LMTK3: variants seen among roughly 807,000 people sequenced by gnomAD.
LMTK3 encodes the protein serine/threonine-protein kinase LMTK3.
Under a neutral mutation model 116.7 loss-of-function variants are expected in LMTK3, and 27 were observed. The ratio of observed to expected loss-of-function variants is 0.23; its 90% CI spans 0.17 to 0.32. The LOEUF is 0.32. Ranked by LOEUF, LMTK3 falls within the 10% of genes least tolerant of loss-of-function variation. LMTK3 has a pLI of 1.00. For missense variants in LMTK3, 1,764 were observed against 2,068.5 expected, an observed-to-expected ratio of 0.85 and a Z score of 2.86; for synonymous variants, 965 against 971.0, an observed-to-expected ratio of 0.99 and a Z score of 0.11.
chr19:48,486,092 C>A (rs1256087646), intron 14 of LMTK3, among the ~76,000 whole-genome samples: 1 of 109,072 alleles, frequency 9.2e-6, no homozygotes, highest in African/African-American at 3.9e-5. Flanking sequence ...CGGAGTCTCG[C>A]TCTGTCGCCC....
Position 48,500,955 on chromosome 19 carries a change from G to C in LMTK3, c.1151+41C>G. ...GGGGATGCTGGGACCATCCTGGGTG[G>C]GGTGCGGCAGGCCAGGAGCCCCGGG... On this transcript the variant is annotated intron_variant, in intron 10 of 14. Coordinates refer to ENST00000600059, the MANE Select transcript of LMTK3 (RefSeq NM_001388485.1). The surrounding 1 kb of genome is among the most constrained non-coding windows in gnomAD (Gnocchi z 4.0). 1 of 1,466,440 alleles carries C rather than the reference G, an allele frequency of 6.8e-7. No homozygotes were observed. Among genetic ancestry groups the C allele is most frequent in the East Asian group, 2.5e-5 (1 of 40,700 alleles). 90.8% of individuals were successfully genotyped at this position (1,466,440 alleles called of 1,614,324 possible).
chr19:48,507,364 C>T (rs941023427), intron 5 of LMTK3, among the ~76,000 whole-genome samples: 1 of 152,208 alleles, frequency 6.6e-6, no homozygotes, highest in Non-Finnish European at 1.5e-5. Flanking sequence ...GTCTGTGGCT[C>T]GCCCAGCAAA....
At chr19:48,495,855 C>T (rs1290959271) in intron 11 of LMTK3, among the ~76,000 whole-genome samples, 1 of 152,090 alleles carries the variant, frequency 6.6e-6, no homozygotes, top group Non-Finnish European at 1.5e-5. Context: ...TTATTTTTAC[C>T]CTTCATTTAT....
intron 12 of LMTK3, among the ~76,000 whole-genome samples, 199 bp downstream of exon 12, chr19:48,493,495 C>T (rs1206095891): frequency 2.1e-5 from 3 of 146,116 alleles, no homozygotes; most frequent in African/African-American, 8.0e-5. Context: ...TCAGGCCACG[C>T]CCCACTCTAA....
rs769851424 is a variant in LMTK3, at chr19:48,491,163, C to A, written c.4311G>T (p.Ser1437=). The A allele has an allele frequency of 1.5e-6, 2 of 1,364,680 alleles. No homozygotes were observed. Among genetic ancestry groups the A allele is most frequent in the East Asian group, 2.8e-5 (1 of 35,268 alleles). The allele number at this position is 1,364,680 out of a possible 1,614,324, so 84.5% of individuals were successfully genotyped here. The change falls in exon 14 of 15, where the codon TCG becomes TCT. Residue 1437 remains serine (S), a synonymous_variant. Coordinates refer to ENST00000600059, the MANE Select transcript of LMTK3 (RefSeq NM_001388485.1). This position sits in a 1 kb window ranked among gnomAD's most constrained non-coding sequence, Gnocchi z 5.1. ...PPLCFSRFSV[S]PALETPGPPA... ...GTGGCCCCGGGGTCTCCAGCGCAGG[C>A]GAGACGGAGAAGCGGGAGAAGCACA...
chr19:48,487,464 C>G (rs1972146097), intron 14 of LMTK3, among the ~76,000 whole-genome samples: 1 of 152,144 alleles, frequency 6.6e-6, no homozygotes, highest in Non-Finnish European at 1.5e-5. Context: ...TGTGAGCCAC[C>G]ATGCCTGGCC....
At chr19:48,493,361 G>A (rs1840345913) in intron 12 of LMTK3, among the ~76,000 whole-genome samples, 2 of 13,314 alleles carry the variant, frequency 1.5e-4, no homozygotes, top group Non-Finnish European at 2.7e-4. Context: ...CCTGGGCCCC[G>A]CCCCACTCTA....
chr19:48,506,514 G>C (rs1415378470), intron 5 of LMTK3, among the ~76,000 whole-genome samples: 1 of 152,180 alleles, frequency 6.6e-6, no homozygotes, highest in Non-Finnish European at 1.5e-5. Context: ...TCCTACTGGG[G>C]CCTGGCGGGA....
In LMTK3 at chr19:48,497,292, A is replaced by G; in HGVS notation, c.3676+101T>C. On this transcript the variant is annotated intron_variant, in intron 11 of 14. Coordinates refer to ENST00000600059, the MANE Select transcript of LMTK3 (RefSeq NM_001388485.1). This position sits in a 1 kb window ranked among gnomAD's most constrained non-coding sequence, Gnocchi z 5.7. ...GGTGCAGGCTTCAGGACCTGCATTC[A>G]TCACTGCCAGCCCGACCCGACATGT... 7.8e-7 allele frequency: 1 copy of G among 1,288,608 alleles called. No homozygotes were observed. The highest frequency in any genetic ancestry group is 2.9e-5 in the East Asian group (1 of 33,976). The allele number at this position is 1,288,608 out of a possible 1,614,324, so 79.8% of individuals were successfully genotyped here. A position where few individuals can be genotyped will look rare whatever the true frequency, so the allele number is the denominator to read the frequency against.
At position 48,498,772 on chromosome 19, in the gene LMTK3, G is replaced by A. The variant is rs1378224287; in HGVS notation, c.2297C>T (p.Pro766Leu). ...CGAAGGGGGGTCGGGGGACGCGGCC[G>A]GGTCCGCGGGGGCCCGAGGAGGTGG... ...PPPPPRAPAD[P>L]AASPDPPSAV... The change falls in exon 11 of 15, where the codon CCG becomes CTG. Residue 766 changes from proline to leucine, a missense_variant. Coordinates refer to ENST00000600059, the MANE Select transcript of LMTK3 (RefSeq NM_001388485.1). The A allele has an allele frequency of 2.8e-6, 4 of 1,431,850 alleles. No individual in the cohort carries two copies. Among genetic ancestry groups the A allele is most frequent in the East Asian group, 2.8e-5 (1 of 35,234 alleles). 88.7% of individuals were successfully genotyped at this position (1,431,850 alleles called of 1,614,324 possible).
intron 14 of LMTK3, among the ~76,000 whole-genome samples, chr19:48,486,898 C>T (rs1972133813): frequency 6.6e-6 from 1 of 151,986 alleles, no homozygotes; most frequent in South Asian, 2.1e-4. Flanking sequence ...TGGAGTCTCA[C>T]TCTGTTGCCC....
chr19:48,508,826 A>ATT, intron 5 of LMTK3, 25 bp downstream of exon 5: 2 of 1,548,306 alleles, frequency 1.3e-6, no homozygotes, highest in Non-Finnish European at 1.8e-6. Flanking sequence ...AACAAGGCAC[A>ATT]CACCCACTGA....
In LMTK3 at chr19:48,491,354, G is replaced by A. The variant is rs529893155; in HGVS notation, c.4228+50C>T. On this transcript the variant is annotated intron_variant, in intron 13 of 14. Coordinates refer to ENST00000600059, the MANE Select transcript of LMTK3 (RefSeq NM_001388485.1). The surrounding 1 kb of genome is among the most constrained non-coding windows in gnomAD (Gnocchi z 5.1). Reference sequence around the variant, plus strand: ...CCTCCCACCCCATAGACCCCGCCCCGTCCGCCCCATGGCTCCCGCCCCCTC... The same window carrying A: ...CCTCCCACCCCATAGACCCCGCCCCATCCGCCCCATGGCTCCCGCCCCCTC... The A allele has an allele frequency of 1.5e-4, 55 of 359,976 alleles. No individual in the cohort carries two copies. The highest frequency in any genetic ancestry group is 6.0e-4 in the Admixed American group (9 of 15,100). The allele number at this position is 359,976 out of a possible 1,614,324, so 22.3% of individuals were successfully genotyped here.
chr19:48,511,105 C>T (rs893171872), intron 1 of LMTK3, among the ~76,000 whole-genome samples: 1 of 152,162 alleles, frequency 6.6e-6, no homozygotes, highest in Non-Finnish European at 1.5e-5. Flanking sequence ...AGCCCAAGAC[C>T]CAGAGAAGGG....
At position 48,509,938 on chromosome 19, in the gene LMTK3, G is replaced by T. The variant is rs1323247326; in HGVS notation, c.361+85C>A. On this transcript the variant is annotated intron_variant, in intron 3 of 14. Transcript: ENST00000600059. Reference sequence around the variant, plus strand: ...CCATTGGCTGCCGCTGGTCTCAACCGCCCCAGCCCCTGAAGGAACACACTC... The same window carrying T: ...CCATTGGCTGCCGCTGGTCTCAACCTCCCCAGCCCCTGAAGGAACACACTC... The T allele has an allele frequency of 9.4e-6, 14 of 1,489,156 alleles. No individual in the cohort carries two copies. In the South Asian group the frequency reaches 1.3e-4, roughly 14 times the overall value. 92.2% of individuals were successfully genotyped at this position (1,489,156 alleles called of 1,614,324 possible). A position where few individuals can be genotyped will look rare whatever the true frequency, so the allele number is the denominator to read the frequency against.
intron 5 of LMTK3, among the ~76,000 whole-genome samples, chr19:48,506,981 G>A (rs187661919): frequency 4.5e-4 from 68 of 152,198 alleles, no homozygotes; most frequent in Non-Finnish European, 7.9e-4. Context: ...TTGTATTTTT[G>A]TAGAGATAGG....
In LMTK3 at chr19:48,498,634, GC is replaced by G; in HGVS notation, c.2434del (p.Ala812ArgfsTer46). ...CCGAGGGACCCCTTCCTCCTCGGCC[GC>G]CCCCCCACCTGGGAAGGCTCCCTCT... ...SPEGAFPGGG[A>X]AEEEGVPRPR... On this transcript the variant is annotated frameshift_variant, in exon 11 of 15. Coordinates refer to ENST00000600059, the MANE Select transcript of LMTK3 (RefSeq NM_001388485.1). LOFTEE classifies it high-confidence loss of function. 1 of 1,540,680 alleles carries G rather than the reference GC, an allele frequency of 6.5e-7. No individual in the cohort carries two copies. Among genetic ancestry groups the G allele is most frequent in the Admixed American group, 2.0e-5 (1 of 49,778 alleles).
rs1257983323 is a variant in LMTK3 at position 48,499,233 on chromosome 19, G to A, written c.1836C>T (p.Pro612=). 8 of 1,379,860 alleles carry A rather than the reference G, an allele frequency of 5.8e-6. No individual in the cohort carries two copies. The highest frequency in any genetic ancestry group is 1.5e-5 in the African/African-American group (1 of 66,470). The allele number at this position is 1,379,860 out of a possible 1,614,324, so 85.5% of individuals were successfully genotyped here. Residue 612 remains proline, a synonymous_variant, in exon 11 of 15, where the codon CCC becomes CCT. Coordinates refer to ENST00000600059, the MANE Select transcript of LMTK3 (RefSeq NM_001388485.1). The part of the protein sequence containing the change: ...SGSFLLSGWD[P]EGRGAGETLA... ...GGGTCTCCCCGGCGCCCCGGCCCTC[G>A]GGGTCCCAGCCGCTCAGCAGGAAGC...
At chr19:48,492,113 C>T (rs1166599791) in intron 12 of LMTK3, among the ~76,000 whole-genome samples, 1 of 152,188 alleles carries the variant, frequency 6.6e-6, no homozygotes, top group Non-Finnish European at 1.5e-5. Context: ...CCAGTATGCC[C>T]GCCCCAGGTT....
Sources: allele counts gnomAD v4.1 joint callset (sites outside exome capture counted in the v4.1 genomes callset), GRCh38; gene constraint gnomAD v4.1.1; non-coding constraint Gnocchi (gnomAD v3.1); transcripts MANE v1.5; gene names NCBI Gene and HGNC (gene_info 2026-07-23, HGNC 2026-07-21).